Variants in CLSTN2 observed in about 807,000 individuals in gnomAD.
CLSTN2 encodes the protein calsyntenin 2, also known as calsyntenin-2.
Under a neutral mutation model 101.2 loss-of-function variants are expected in CLSTN2, and 48 were observed. The ratio of observed to expected loss-of-function variants is 0.47; its 90% CI spans 0.38 to 0.60. The LOEUF (loss-of-function observed/expected upper bound fraction) is 0.60. Among genes scored for constraint, CLSTN2 ranks in the 20% least tolerant of loss-of-function variants. The pLI is 0.00. For missense variants in CLSTN2, 1,160 were observed against 1,238.2 expected (o/e 0.94, Z 0.95); for synonymous variants, 481 against 463.6 (o/e 1.04, Z -0.48).
At chr3:139,998,065 A>G (rs2006721843) in intron 1 of CLSTN2, among the ~76,000 whole-genome samples, 1 of 152,302 alleles carries the variant, frequency 6.6e-6, no homozygotes, top group East Asian at 1.9e-4. Context: ...AGTATGGTCA[A>G]AAAGTTTTCT....
chr3:140,555,212 A>T (rs1162023998), intron 10 of CLSTN2, among the ~76,000 whole-genome samples: 1 of 152,236 alleles, frequency 6.6e-6, no homozygotes, highest in Non-Finnish European at 1.5e-5. Context: ...AATCTTCCAT[A>T]GCGTATGAAT....
intron 8 of CLSTN2, among the ~76,000 whole-genome samples, chr3:140,468,807 A>G (rs1310785042): frequency 2.0e-5 from 3 of 152,246 alleles, no homozygotes; most frequent in African/African-American, 7.2e-5. Context: ...ATTATCACTG[A>G]AGTACAAAAT....
At chr3:140,456,839 T>A (rs1205179297) in intron 6 of CLSTN2, among the ~76,000 whole-genome samples, 1 of 152,066 alleles carries the variant, frequency 6.6e-6, no homozygotes, top group African/African-American at 2.4e-5. Context: ...TACATAAATA[T>A]TGGATATATC....
intron 1 of CLSTN2, among the ~76,000 whole-genome samples, chr3:140,085,946 C>A (rs1421161144): frequency 6.6e-6 from 1 of 152,168 alleles, no homozygotes; most frequent in Non-Finnish European, 1.5e-5. Context: ...TCACTTGGGG[C>A]AACTCCTGGA....
chr3:140,542,467 TC>T (rs1452224271), intron 9 of CLSTN2, among the ~76,000 whole-genome samples: 1 of 151,352 alleles, frequency 6.6e-6, no homozygotes, highest in Non-Finnish European at 1.5e-5. Flanking sequence ...CATGTTTATG[TC>T]TAATTGTTAA....
intron 8 of CLSTN2, among the ~76,000 whole-genome samples, chr3:140,531,029 A>G (rs1459746710): frequency 6.6e-6 from 1 of 152,142 alleles, no homozygotes; most frequent in East Asian, 1.9e-4. Context: ...CTCTGTGTTC[A>G]GGTCTGCCTG....
chr3:140,417,107 A>C (rs2088440505), intron 4 of CLSTN2, among the ~76,000 whole-genome samples: 1 of 152,214 alleles, frequency 6.6e-6, no homozygotes, highest in African/African-American at 2.4e-5. Context: ...CCAAATTTTC[A>C]ATAGTTTTTC....
chr3:140,406,657 T>C lies in CLSTN2; in HGVS notation c.637+1891T>C, dbSNP rs576847237. 5.3e-5 allele frequency among the ~76,000 whole-genome samples: 8 copies of C among 152,338 alleles called. No homozygotes were observed. The South Asian group carries it at 1.0e-3, about 20-fold the overall frequency. ...GTGCACACACCACTCCATAAAATATTGAACAACTTCTTTGTATTTTTCTCC... is the reference window on the plus strand; with the variant it reads ...GTGCACACACCACTCCATAAAATATCGAACAACTTCTTTGTATTTTTCTCC... On this transcript the variant is annotated intron_variant, in intron 4 of 16. Transcript: ENST00000458420.
chr3:140,084,360 A>T (rs975080975), intron 1 of CLSTN2, among the ~76,000 whole-genome samples: 1 of 152,200 alleles, frequency 6.6e-6, no homozygotes, highest in Non-Finnish European at 1.5e-5. Context: ...TGGGCAGGGA[A>T]TAGGAACATG....
chr3:140,529,408 G>A (rs1180653354), intron 8 of CLSTN2, among the ~76,000 whole-genome samples: 1 of 152,196 alleles, frequency 6.6e-6, no homozygotes, highest in Non-Finnish European at 1.5e-5. Flanking sequence ...TACTTGGTGC[G>A]GCTGGATACA....
intron 2 of CLSTN2, among the ~76,000 whole-genome samples, chr3:140,330,787 C>A (rs1305629110): frequency 6.6e-6 from 1 of 152,182 alleles, no homozygotes; most frequent in Non-Finnish European, 1.5e-5. Flanking sequence ...TTGTTCTGTG[C>A]ACATCTAACC....
chr3:140,052,386 G>T (rs1486031661), intron 1 of CLSTN2, among the ~76,000 whole-genome samples: 1 of 152,118 alleles, frequency 6.6e-6, no homozygotes, highest in Non-Finnish European at 1.5e-5. Flanking sequence ...TCTAACTCCT[G>T]ACCTAGTGAT....
At chr3:139,953,925 GTGTGTT>G (rs1291599500) in intron 1 of CLSTN2, among the ~76,000 whole-genome samples, 9 of 141,014 alleles carry the variant, frequency 6.4e-5, no homozygotes, top group African/African-American at 2.4e-4. Context: ...CTCTGTGTGT[GTGTGTT>G]TGTGTGTGTG....
At chr3:140,045,473 C>T (rs1253237812) in intron 1 of CLSTN2, among the ~76,000 whole-genome samples, 2 of 152,072 alleles carry the variant, frequency 1.3e-5, no homozygotes, top group Non-Finnish European at 2.9e-5. Context: ...TTCAAAAAAA[C>T]CAGCTCCTGG....
intron 5 of CLSTN2, among the ~76,000 whole-genome samples, chr3:140,426,612 C>G (rs2088567134): frequency 6.6e-6 from 1 of 152,120 alleles, no homozygotes; most frequent in South Asian, 2.1e-4. Context: ...AGATGACGTA[C>G]AAAAGCTATC....
intron 1 of CLSTN2, among the ~76,000 whole-genome samples, chr3:139,949,177 C>T (rs566095652): frequency 7.9e-5 from 12 of 152,322 alleles, no homozygotes; most frequent in African/African-American, 2.9e-4. Context: ...AGTGACACTA[C>T]TCAATTGCAT....
chr3:140,169,909 G>A (rs1365961777), intron 1 of CLSTN2, among the ~76,000 whole-genome samples: 2 of 152,054 alleles, frequency 1.3e-5, no homozygotes, highest in Non-Finnish European at 2.9e-5. Flanking sequence ...ATCATTTCAT[G>A]CAATTTTCAC....
chr3:140,072,204 A>AC (rs11392681), intron 1 of CLSTN2, among the ~76,000 whole-genome samples: 2 of 151,944 alleles, frequency 1.3e-5, no homozygotes, highest in Non-Finnish European at 2.9e-5. Context: ...TCTTAAAAAA[A>AC]ACAGAAAACA....
chr3:139,996,751 A>T (rs1007994014), intron 1 of CLSTN2, among the ~76,000 whole-genome samples: 1 of 152,128 alleles, frequency 6.6e-6, no homozygotes, highest in African/African-American at 2.4e-5. Context: ...ATTATCTGTG[A>T]AAATACCTGA....
Sources: gnomAD v4.1 joint callset for allele counts (sites outside exome capture counted in the v4.1 genomes callset) on GRCh38, gnomAD v4.1.1 for gene constraint, MANE v1.5 for transcripts, NCBI Gene and HGNC (gene_info 2026-07-23, HGNC 2026-07-21) for gene names.